ZBTB7C: variants seen among roughly 807,000 people sequenced by gnomAD.
The protein encoded by ZBTB7C is zinc finger and BTB domain-containing protein 7C.
ZBTB7C carries 8 observed loss-of-function variants against 25.7 expected under a neutral mutation model. The ratio of observed to expected loss-of-function variants is 0.31; its 90% CI spans 0.18 to 0.56. The LOEUF (loss-of-function observed/expected upper bound fraction) is 0.56, where lower values mean the gene tolerates loss of function less well. Among genes scored for constraint, ZBTB7C ranks in the 20% least tolerant of loss-of-function variants. The pLI is 0.91. For missense variants in ZBTB7C, 824 were observed against 855.2 expected, an observed-to-expected ratio of 0.96 and a Z score of 0.46; for synonymous variants, 394 against 369.0, an observed-to-expected ratio of 1.07 and a Z score of -0.78.
chr18:48,369,041 C>T, intron 1 of ZBTB7C, among the ~76,000 whole-genome samples: 1 of 152,194 alleles, frequency 6.6e-6, no homozygotes, highest in Admixed American at 6.5e-5. Context: ...AATAGACTTT[C>T]TTTCTCCTCT....
intron 3 of ZBTB7C, among the ~76,000 whole-genome samples, chr18:48,106,921 A>G (rs949421559): frequency 1.3e-5 from 2 of 152,108 alleles, no homozygotes; most frequent in African/African-American, 4.8e-5. Flanking sequence ...AGGAGGTTCT[A>G]TATACCAGGC....
intron 2 of ZBTB7C, among the ~76,000 whole-genome samples, chr18:48,231,602 C>T (rs2145351455): frequency 6.6e-6 from 1 of 152,350 alleles, no homozygotes; most frequent in Admixed American, 6.5e-5. Flanking sequence ...TCAGCCTTCA[C>T]TTGTCCACGT....
chr18:48,056,292 G>A (rs1218587239), intron 3 of ZBTB7C, among the ~76,000 whole-genome samples: 1 of 152,178 alleles, frequency 6.6e-6, no homozygotes, highest in Non-Finnish European at 1.5e-5. Flanking sequence ...CCATAAAGAT[G>A]CCAATTTCCC....
chr18:48,183,820 G>T (rs2041988784), intron 3 of ZBTB7C, among the ~76,000 whole-genome samples: 5 of 152,166 alleles, frequency 3.3e-5, no homozygotes. Context: ...CACAAGCCCT[G>T]CCCCCTGCCT....
chr18:48,191,108 T>C (rs2042183291), intron 2 of ZBTB7C, among the ~76,000 whole-genome samples: 1 of 152,186 alleles, frequency 6.6e-6, no homozygotes, highest in Admixed American at 6.5e-5. Context: ...CCAAACTCCC[T>C]GCCCAGGGCC....
chr18:48,239,035 T>G (rs1315536386), intron 2 of ZBTB7C, among the ~76,000 whole-genome samples: 1 of 152,108 alleles, frequency 6.6e-6, no homozygotes, highest in Non-Finnish European at 1.5e-5. Flanking sequence ...TCCTGGTGAC[T>G]TCCCTGGTGG....
chr18:48,151,949 G>A (rs1224113201), intron 3 of ZBTB7C, among the ~76,000 whole-genome samples: 15 of 152,192 alleles, frequency 9.9e-5, no homozygotes, highest in Admixed American at 9.8e-4. Context: ...GTGAGTGACA[G>A]CCAAGGGGAG....
At chr18:48,032,658 G>A (rs936586522) in intron 4 of ZBTB7C, among the ~76,000 whole-genome samples, 5 of 151,618 alleles carry the variant, frequency 3.3e-5, no homozygotes, top group African/African-American at 9.7e-5. Context: ...GGATGGTCTC[G>A]ATCTCCTGAC....
chr18:48,302,897 C>A (rs2045579285), intron 2 of ZBTB7C, among the ~76,000 whole-genome samples: 2 of 152,194 alleles, frequency 1.3e-5, no homozygotes, highest in South Asian at 4.1e-4. Flanking sequence ...AACCCCAGGG[C>A]CCACAATCCA....
intron 3 of ZBTB7C, among the ~76,000 whole-genome samples, chr18:48,174,154 A>C: frequency 6.6e-6 from 1 of 152,258 alleles, no homozygotes; most frequent in South Asian, 2.1e-4. Flanking sequence ...TCCCATAAGT[A>C]AAGTCACAGG....
At chr18:48,207,638 G>C (rs768808012) in intron 2 of ZBTB7C, among the ~76,000 whole-genome samples, 1 of 115,366 alleles carries the variant, frequency 8.7e-6, no homozygotes, top group African/African-American at 2.7e-5. Context: ...ATATTCTATA[G>C]AGACTGGATT....
chr18:48,245,366 C>G (rs1214113757), intron 2 of ZBTB7C, among the ~76,000 whole-genome samples: 3 of 151,190 alleles, frequency 2.0e-5, no homozygotes, highest in African/African-American at 7.3e-5. Flanking sequence ...ACATTGGGTA[C>G]AGTGTACACT....
intron 2 of ZBTB7C, among the ~76,000 whole-genome samples, chr18:48,202,694 G>T (rs989290497): frequency 6.8e-6 from 1 of 146,358 alleles, no homozygotes; most frequent in Non-Finnish European, 1.5e-5. Flanking sequence ...CACCCCCGCC[G>T]CACGCAGGCC....
At chr18:48,099,625 G>A in intron 3 of ZBTB7C, among the ~76,000 whole-genome samples, 1 of 152,222 alleles carries the variant, frequency 6.6e-6, no homozygotes, top group South Asian at 2.1e-4. Flanking sequence ...GTACTTAAGT[G>A]TGACTCCTGA....
chr18:48,301,005 T>G (rs1197945429), intron 2 of ZBTB7C, among the ~76,000 whole-genome samples: 1 of 152,230 alleles, frequency 6.6e-6, no homozygotes, highest in African/African-American at 2.4e-5. Context: ...AAATGCCCTC[T>G]GAGGACTCAG....
intron 4 of ZBTB7C, among the ~76,000 whole-genome samples, chr18:48,036,445 GA>G (rs1047903505): frequency 6.6e-6 from 1 of 152,164 alleles, no homozygotes; most frequent in African/African-American, 2.4e-5. Flanking sequence ...CCATGCAGGG[GA>G]AGGGCAGGCC....
chr18:48,109,215 A>G (rs1231166870), intron 3 of ZBTB7C, among the ~76,000 whole-genome samples: 2 of 152,264 alleles, frequency 1.3e-5, no homozygotes, highest in Admixed American at 1.3e-4. Flanking sequence ...AACACATCGA[A>G]GGGAATGCAA....
chr18:48,224,929 A>C (rs1286734545), intron 2 of ZBTB7C, among the ~76,000 whole-genome samples: 1 of 152,242 alleles, frequency 6.6e-6, no homozygotes, highest in African/African-American at 2.4e-5. Context: ...TATAATATAC[A>C]TTTCCATCCA....
intron 3 of ZBTB7C, chr18:48,162,507 C>G: frequency 2.4e-6 from 1 of 422,940 alleles, no homozygotes; most frequent in South Asian, 1.6e-5. Flanking sequence ...CCTCTTCCCC[C>G]ACATTTGGGG....
Sources: gnomAD v4.1 joint callset for allele counts (sites outside exome capture counted in the v4.1 genomes callset) on GRCh38, gnomAD v4.1.1 for gene constraint, MANE v1.5 for transcripts, NCBI Gene and HGNC (gene_info 2026-07-23, HGNC 2026-07-21) for gene names.